SLPI: variants seen among roughly 807,000 people sequenced by gnomAD.
SLPI encodes the protein antileukoproteinase.
A neutral mutation model predicts 14.3 loss-of-function variants in SLPI; 20 were observed. The observed-to-expected ratio is 1.40, with a 90% CI of 0.99 to 2.04. SLPI has a LOEUF of 2.04. SLPI is among the 30% of genes most tolerant of loss of function. The pLI, the probability that SLPI is intolerant of heterozygous loss-of-function variation, is 0.00. For synonymous variants in SLPI, 68 were observed against 54.8 expected (o/e 1.24, Z -1.07); for missense variants, 169 against 159.4 (o/e 1.06, Z -0.32).
intron 2 of SLPI, 127 bp from the exon 3 acceptor site, chr20:45,253,278 C>T (rs1984718323): frequency 8.8e-7 from 1 of 1,134,022 alleles, no homozygotes; most frequent in African/African-American, 1.5e-5. Context: ...ACCTCTATCA[C>T]CACCACCTTC....
intron 1 of SLPI, among the ~76,000 whole-genome samples, chr20:45,254,198 TGAGAGAGAGAGAGA>T (rs144801825): frequency 4.4e-5 from 6 of 135,342 alleles, no homozygotes; most frequent in South Asian, 2.5e-4. Context: ...AGGCGGAGTA[TGAGAGAGAGAGAGA>T]GAGAGAGAGA....
rs1055475783 is a variant in SLPI, at chr20:45,254,377, C to G, written c.85+82G>C. The G allele has an allele frequency of 1.3e-5, 15 of 1,177,322 alleles. No individual in the cohort carries two copies. The African/African-American group carries it at 1.8e-4, about 15-fold the overall frequency. The allele number at this position is 1,177,322 out of a possible 1,614,324, so 72.9% of individuals were successfully genotyped here. A position where few individuals can be genotyped will look rare whatever the true frequency, so the allele number is the denominator to read the frequency against. On this transcript the variant is annotated intron_variant, in intron 1 of 3. Coordinates refer to ENST00000338380, the MANE Select transcript of SLPI (RefSeq NM_003064.4). ...AACTAAGCTGAGGGATCAGAGCCTACAGAAGGGGACACACCCACACCACAA... is the reference window on the plus strand; with the variant it reads ...AACTAAGCTGAGGGATCAGAGCCTAGAGAAGGGGACACACCCACACCACAA...
At chr20:45,253,908 T>G (rs1161628084) in intron 1 of SLPI, among the ~76,000 whole-genome samples, 175 bp from the exon 2 acceptor site, 1 of 152,000 alleles carries the variant, frequency 6.6e-6, no homozygotes, top group African/African-American at 2.4e-5. Context: ...TTGATTAAAT[T>G]AGACAAATGG....
rs776019233 is a variant in SLPI, at chr20:45,253,096, G to C, written c.300C>G (p.Asn100Lys). ...CATCCATCTCACAGAAATTGGGGGG[G>C]TTAAGCATCAAACATTGGCCATAAG... ...PVTYGQCLML[N>K]PPNFCEMDGQ... The change falls in exon 3 of 4, where the codon AAC becomes AAG. Residue 100 changes from asparagine (N) to lysine (K), a missense_variant. Asn to Lys is a moderately conservative substitution (Grantham distance 94). Coordinates refer to ENST00000338380, the MANE Select transcript of SLPI (RefSeq NM_003064.4). The C allele has an allele frequency of 1.9e-6, 3 of 1,614,190 alleles. No homozygotes were observed. The Admixed American group carries it at 5.0e-5, about 27-fold the overall frequency.
chr20:45,253,690 G>T lies in SLPI; in HGVS notation c.129C>A (p.Cys43Ter), dbSNP rs141933051. The change falls in exon 2 of 4, where the codon TGC becomes TGA. Residue 43 changes from cysteine (C) to a stop codon, truncating the protein, a stop_gained. Transcript: ENST00000338380. LOFTEE classifies it high-confidence loss of function. Reference protein sequence around the residue: ...GVCPPKKSAQCLRYKKPECQS... With the variant: ...GVCPPKKSAQ ...GGCACTCAGGTTTCTTGTATCTAAG[G>T]CACTGGGCAGATTTCTTAGGAGGAC... is the stretch of plus-strand genomic sequence containing the variant. The T allele has an allele frequency of 1.4e-4, 221 of 1,614,126 alleles. No individual in the cohort carries two copies. The highest frequency in any genetic ancestry group is 4.5e-4 in the Admixed American group (27 of 60,022).
At position 45,253,067 on chromosome 20, in the gene SLPI, T is replaced by C; in HGVS notation, c.329A>G (p.Gln110Arg). 2 of 1,614,222 alleles carry C rather than the reference T, an allele frequency of 1.2e-6. No homozygotes were observed. Among genetic ancestry groups the C allele is most frequent in the South Asian group, 1.1e-5 (1 of 91,088 alleles). Residue 110 changes from glutamine to arginine, a missense_variant, in exon 3 of 4, where the codon CAG becomes CGG. By Grantham distance (43) the Gln-to-Arg change is conservative (BLOSUM62 1). Transcript: ENST00000338380. Reference protein sequence around the residue: ...NPPNFCEMDGQCKRDLKCCMG... With the variant: ...NPPNFCEMDGRCKRDLKCCMG... ...GCAACACTTCAAGTCACGCTTGCACTGGCCATCCATCTCACAGAAATTGGG... is the reference window on the plus strand; with the variant it reads ...GCAACACTTCAAGTCACGCTTGCACCGGCCATCCATCTCACAGAAATTGGG...
At chr20:45,254,363 G>A in intron 1 of SLPI, 96 bp downstream of exon 1, 1 of 1,004,630 alleles carries the variant, frequency 1.0e-6, no homozygotes, top group Non-Finnish European at 1.5e-6. Context: ...ACTAAGCTGA[G>A]GGATCAGAGC....
intron 3 of SLPI, 28 bp downstream of exon 3, chr20:45,252,974 G>A: frequency 6.2e-7 from 1 of 1,608,778 alleles, no homozygotes; most frequent in South Asian, 1.1e-5. Context: ...GCTGGAGGGA[G>A]CTCAGTGTGC....
At chr20:45,254,198 TGAGAGAGAGAGA>T (rs144801825) in intron 1 of SLPI, among the ~76,000 whole-genome samples, 62 of 135,430 alleles carry the variant, frequency 4.6e-4, no homozygotes, top group East Asian at 3.3e-3. Context: ...AGGCGGAGTA[TGAGAGAGAGAGA>T]GAGAGAGAGA....
Position 45,252,290 on chromosome 20 carries a change from T to G in SLPI, c.*125A>C. Reference sequence around the variant, plus strand: ...TATTCATTGATCAACTGGCACTTCTTGAAAGCCTGCTGTGTGCCAAGCCTT... The same window carrying G: ...TATTCATTGATCAACTGGCACTTCTGGAAAGCCTGCTGTGTGCCAAGCCTT... On this transcript the variant is annotated 3_prime_UTR_variant, in exon 4 of 4. Transcript: ENST00000338380. The G allele has an allele frequency of 1.2e-6, 1 of 815,504 alleles. No individual in the cohort carries two copies. The highest frequency in any genetic ancestry group is 2.8e-5 in the East Asian group (1 of 35,112). 50.5% of individuals were successfully genotyped at this position (815,504 alleles called of 1,614,324 possible). A position where few individuals can be genotyped will look rare whatever the true frequency, so the allele number is the denominator to read the frequency against.
At position 45,253,291 on chromosome 20, in the gene SLPI, C is replaced by G. The variant is rs1267687400; in HGVS notation, c.245-140G>C. The G allele has an allele frequency of 5.7e-6, 6 of 1,055,474 alleles. No homozygotes were observed. In the Admixed American group the frequency reaches 1.6e-4, roughly 29 times the overall value. The allele number at this position is 1,055,474 out of a possible 1,614,324, so 65.4% of individuals were successfully genotyped here. A position where few individuals can be genotyped will look rare whatever the true frequency, so the allele number is the denominator to read the frequency against. ...CCACCTCTATCACCACCACCTTCTC[C>G]CTAAGGCGGCCCCCAAACATAGCAC... On this transcript the variant is annotated intron_variant, in intron 2 of 3. Transcript: ENST00000338380.
Position 45,252,429 on chromosome 20 carries a change from A to G in SLPI, c.395-10T>C. Reference sequence around the variant, plus strand: ...TATGGCAGGAATCAAGCTGTGAGAGAAAATCAGATAAGAGCTTCAGCATAG... The same window carrying G: ...TATGGCAGGAATCAAGCTGTGAGAGGAAATCAGATAAGAGCTTCAGCATAG... On this transcript the variant is annotated splice_polypyrimidine_tract_variant and intron_variant, in intron 3 of 3. Transcript: ENST00000338380. The G allele has an allele frequency of 6.2e-7, 1 of 1,613,758 alleles. No homozygotes were observed. The highest frequency in any genetic ancestry group is 1.3e-5 in the African/African-American group (1 of 75,028).
At chr20:45,253,437 G>T in intron 2 of SLPI, 138 bp downstream of exon 2, 1 of 877,876 alleles carries the variant, frequency 1.1e-6, no homozygotes, top group Non-Finnish European at 1.7e-6. Context: ...CCAGCTGCTG[G>T]CTACCTTCCT....
rs768621182 is a variant in SLPI, at chr20:45,252,422, G to A, written c.395-3C>T. ...TCCTCCATATGGCAGGAATCAAGCT[G>A]TGAGAGAAAATCAGATAAGAGCTTC... On this transcript the variant is annotated splice_region_variant and splice_polypyrimidine_tract_variant and intron_variant, in intron 3 of 3. Transcript: ENST00000338380. The A allele has an allele frequency of 2.2e-5, 36 of 1,613,728 alleles. No individual in the cohort carries two copies. The highest frequency in any genetic ancestry group is 2.8e-5 in the Non-Finnish European group (33 of 1,179,938).
intron 1 of SLPI, among the ~76,000 whole-genome samples, chr20:45,254,241 C>T (rs1461160386): frequency 2.2e-5 from 3 of 135,340 alleles, no homozygotes; most frequent in Non-Finnish European, 3.1e-5. Flanking sequence ...GAGAGTGGGA[C>T]CTGGGCTGAC....
At chr20:45,253,843 T>A in intron 1 of SLPI, 110 bp from the exon 2 acceptor site, 1 of 966,466 alleles carries the variant, frequency 1.0e-6, no homozygotes, top group Non-Finnish European at 1.5e-6. Flanking sequence ...CCTCAGTAGC[T>A]GTCCACAAAG....
At chr20:45,253,801 A>C in intron 1 of SLPI, 68 bp from the exon 2 acceptor site, 1 of 1,456,736 alleles carries the variant, frequency 6.9e-7, no homozygotes, top group Admixed American at 1.9e-5. Flanking sequence ...CCTCCTGAAC[A>C]AAGCACCACT....
chr20:45,252,821 G>A (rs1185303639), intron 3 of SLPI, among the ~76,000 whole-genome samples, 181 bp downstream of exon 3: 3 of 152,124 alleles, frequency 2.0e-5, no homozygotes, highest in Admixed American at 6.5e-5. Flanking sequence ...AGCCACAGGC[G>A]ATCCTATGGA....
In SLPI at chr20:45,254,538, C is replaced by G. The variant is rs1355490555; in HGVS notation, c.6G>C (p.Lys2Asn). The G allele has an allele frequency of 5.0e-6, 8 of 1,613,780 alleles. No homozygotes were observed. Among genetic ancestry groups the G allele is most frequent in the Non-Finnish European group, 6.8e-6 (8 of 1,179,942 alleles). Residue 2 changes from lysine (K) to asparagine (N), a missense_variant, in exon 1 of 4, where the codon AAG becomes AAC. Lys to Asn is a moderately conservative substitution (Grantham distance 94, BLOSUM62 0). Transcript: ENST00000338380. Reference protein sequence around the residue: MKSSGLFPFLVL... With the variant: MNSSGLFPFLVL... The stretch of plus-strand genomic sequence containing the variant: ...CCAGGAAGGGGAAGAGGCCGCTGGA[C>G]TTCATGGTGAAGGCAGGAGTGACTC...
Sources: gnomAD v4.1 joint callset for allele counts (sites outside exome capture counted in the v4.1 genomes callset) on GRCh38, gnomAD v4.1.1 for gene constraint, MANE v1.5 for transcripts, NCBI Gene and HGNC (gene_info 2026-07-23, HGNC 2026-07-21) for gene names.